Variants in CRACDL observed in about 807,000 individuals in gnomAD.
CRACDL encodes the protein CRACD-like protein.
Under a neutral mutation model 70.6 loss-of-function variants are expected in CRACDL, and 26 were observed. The ratio of observed to expected loss-of-function variants is 0.37; its 90% CI spans 0.27 to 0.51. The LOEUF (loss-of-function observed/expected upper bound fraction) is 0.51. CRACDL is among the 20% of genes least tolerant of loss of function. The pLI is 0.94. For synonymous variants in CRACDL, 618 were observed against 615.2 expected, an observed-to-expected ratio of 1.00 and a Z score of -0.07; for missense variants, 1,283 against 1,376.9, an observed-to-expected ratio of 0.93 and a Z score of 1.08.
At chr2:98,905,585 C>A (rs974626124) in intron 1 of CRACDL, among the ~76,000 whole-genome samples, 1 of 152,040 alleles carries the variant, frequency 6.6e-6, no homozygotes, top group Non-Finnish European at 1.5e-5. Context: ...AAGCGTTACT[C>A]CCTCCTGTGT....
At chr2:98,868,132 G>GT in intron 1 of CRACDL, among the ~76,000 whole-genome samples, 1 of 152,280 alleles carries the variant, frequency 6.6e-6, no homozygotes, top group East Asian at 1.9e-4. Context: ...TATGCACAGG[G>GT]TTTTACCCAG....
chr2:98,853,839 C>T (rs1559235336), intron 1 of CRACDL, among the ~76,000 whole-genome samples: 1 of 152,150 alleles, frequency 6.6e-6, no homozygotes, highest in Non-Finnish European at 1.5e-5. Context: ...AGAATTAATA[C>T]TGTGATCCCT....
intron 1 of CRACDL, among the ~76,000 whole-genome samples, chr2:98,902,079 A>G (rs1329944921): frequency 6.6e-6 from 1 of 152,190 alleles, no homozygotes; most frequent in Non-Finnish European, 1.5e-5. Context: ...AAGGTCTACA[A>G]AGGGAACAAC....
chr2:98,917,368 GA>G (rs1388061929), intron 1 of CRACDL, among the ~76,000 whole-genome samples: 1 of 152,164 alleles, frequency 6.6e-6, no homozygotes, highest in Non-Finnish European at 1.5e-5. Flanking sequence ...ATAAAGGGAG[GA>G]ATTCTTTTAA....
chr2:98,839,946 A>T (rs1457536414), intron 2 of CRACDL, among the ~76,000 whole-genome samples: 1 of 152,116 alleles, frequency 6.6e-6, no homozygotes, highest in Non-Finnish European at 1.5e-5. Flanking sequence ...ATCAATTTTA[A>T]TTGCCTTAAA....
At chr2:98,832,749 T>A in intron 4 of CRACDL, 113 bp downstream of exon 4, 2 of 1,363,980 alleles carry the variant, frequency 1.5e-6, no homozygotes, top group Middle Eastern at 1.8e-4. Flanking sequence ...AGCTGTCATG[T>A]ACATGTGATT....
intron 1 of CRACDL, among the ~76,000 whole-genome samples, chr2:98,926,724 T>C (rs1708916691): frequency 6.6e-6 from 1 of 152,204 alleles, no homozygotes; most frequent in Non-Finnish European, 1.5e-5. Flanking sequence ...CAAAGAGAAA[T>C]GTTGTTCATA....
At chr2:98,812,825 G>T (rs1455963459) in intron 7 of CRACDL, among the ~76,000 whole-genome samples, 1 of 151,694 alleles carries the variant, frequency 6.6e-6, no homozygotes, top group African/African-American at 2.4e-5. Flanking sequence ...GTCTTTTCAG[G>T]CTCTTAAATA....
intron 1 of CRACDL, among the ~76,000 whole-genome samples, chr2:98,906,590 T>C (rs1708423421): frequency 6.6e-6 from 1 of 152,196 alleles, no homozygotes; most frequent in Non-Finnish European, 1.5e-5. Flanking sequence ...TCATTTGAGA[T>C]AATATATATT....
At chr2:98,907,889 C>A (rs745852193) in intron 1 of CRACDL, among the ~76,000 whole-genome samples, 4 of 152,192 alleles carry the variant, frequency 2.6e-5, no homozygotes, top group Non-Finnish European at 5.9e-5. Flanking sequence ...ACTACATACA[C>A]TAAGACCAGA....
At chr2:98,796,378 ACTT>A in intron 8 of CRACDL, 114 bp from the exon 9 acceptor site, 29 of 1,109,752 alleles carry the variant, frequency 2.6e-5, no homozygotes, top group Non-Finnish European at 3.7e-5. Flanking sequence ...CACTGCTGGC[ACTT>A]TCTCGGGAGG....
In CRACDL at chr2:98,838,109, T is replaced by C; in HGVS notation, c.239+10A>G. ...TGCTCCTGGCCCGAGGGATGTAAAA[T>C]GCAACTTACTCCAGCTCATCCTCGG... On this transcript the variant is annotated intron_variant, in intron 3 of 9. Coordinates refer to ENST00000397899, the MANE Select transcript of CRACDL (RefSeq NM_207362.3). 1.3e-6 allele frequency: 2 copies of C among 1,591,696 alleles called. No individual in the cohort carries two copies. Among genetic ancestry groups the C allele is most frequent in the Non-Finnish European group, 1.7e-6 (2 of 1,170,756 alleles).
chr2:98,832,334 C>T lies in CRACDL; in HGVS notation c.540+14G>A, dbSNP rs1302482454. 1 of 1,614,010 alleles carries T rather than the reference C, an allele frequency of 6.2e-7. No homozygotes were observed. ...GTGTGGATGAAGACATGCAGTGGTA[C>T]AGGCCGCACTTGCCTTTATGGTGGT... On this transcript the variant is annotated intron_variant, in intron 5 of 9. Transcript: ENST00000397899.
intron 1 of CRACDL, among the ~76,000 whole-genome samples, chr2:98,934,606 A>G (rs1709164140): frequency 6.6e-6 from 1 of 152,234 alleles, no homozygotes; most frequent in African/African-American, 2.4e-5. Flanking sequence ...TGAGCTGCGC[A>G]GCATCCATGG....
intron 1 of CRACDL, among the ~76,000 whole-genome samples, chr2:98,914,682 G>A (rs962543597): frequency 3.9e-5 from 6 of 152,150 alleles, no homozygotes; most frequent in South Asian, 2.1e-4. Flanking sequence ...GGAGCTTCAC[G>A]CTGGCCCCAC....
chr2:98,899,162 C>T (rs981876054), intron 1 of CRACDL, among the ~76,000 whole-genome samples: 4 of 152,200 alleles, frequency 2.6e-5, no homozygotes, highest in African/African-American at 9.7e-5. Context: ...AATTCACCTG[C>T]CACCATGCAA....
At chr2:98,932,771 C>A (rs1192732164) in intron 1 of CRACDL, among the ~76,000 whole-genome samples, 1 of 152,222 alleles carries the variant, frequency 6.6e-6, no homozygotes, top group Non-Finnish European at 1.5e-5. Flanking sequence ...ATATTTTAAA[C>A]TTCCTTTTAT....
Position 98,821,861 on chromosome 2 carries a change from TC to T in CRACDL, c.2411del (p.Gly804GlufsTer50). On this transcript the variant is annotated frameshift_variant, in exon 7 of 10. Transcript: ENST00000397899. LOFTEE classifies it high-confidence loss of function. ...GCACCCTCGGCGGGCTCTTACCAGCTCCCCTGCGCAGCGGCCTTTTCTCCGC... is the reference window on the plus strand; with the variant it reads ...GCACCCTCGGCGGGCTCTTACCAGCTCCCTGCGCAGCGGCCTTTTCTCCGC... ...RTAEKRPLRR[G>X]AEKSLPPAAT... 6.2e-7 allele frequency: 1 copy of T among 1,606,976 alleles called. No individual in the cohort carries two copies. Among genetic ancestry groups the T allele is most frequent in the Non-Finnish European group, 8.5e-7 (1 of 1,178,686 alleles).
rs150514437 is a variant in CRACDL, at chr2:98,929,584, C to T, written c.-11+6354G>A. Among the ~76,000 whole-genome samples, 760 of 152,176 alleles carry T rather than the reference C, an allele frequency of 5.0e-3. 7 individuals are homozygous for T. Among genetic ancestry groups the T allele is most frequent in the African/African-American group, 0.017 (709 of 41,506 alleles). ...TGAAGTGAGTGTAAGCAAAGCTTCG[C>T]GAACCTCTACAGACCCACACCTGGT... is the stretch of plus-strand genomic sequence containing the variant. On this transcript the variant is annotated intron_variant, in intron 1 of 9. Transcript: ENST00000397899.
Sources: allele counts gnomAD v4.1 joint callset (sites outside exome capture counted in the v4.1 genomes callset), GRCh38; gene constraint gnomAD v4.1.1; transcripts MANE v1.5; gene names NCBI Gene and HGNC (gene_info 2026-07-23, HGNC 2026-07-21).